LRRC7: variants seen among roughly 807,000 people sequenced by gnomAD.
LRRC7 encodes leucine-rich repeat-containing protein 7.
LRRC7 carries 23 observed loss-of-function variants against 175.7 expected under a neutral mutation model. The ratio of observed to expected loss-of-function variants is 0.13; its 90% CI spans 0.09 to 0.19. The LOEUF is 0.19. Ranked by LOEUF, LRRC7 falls within the 10% of genes least tolerant of loss-of-function variation. The pLI is 1.00. For synonymous variants in LRRC7, 685 were observed against 680.9 expected (o/e 1.01, Z -0.09); for missense variants, 1,354 against 1,904.7 (o/e 0.71, Z 5.38).
chr1:69,886,108 A>C (rs1285334693), intron 7 of LRRC7, among the ~76,000 whole-genome samples: 1 of 151,494 alleles, frequency 6.6e-6, no homozygotes, highest in Non-Finnish European at 1.5e-5. Context: ...TTTGGGGTGG[A>C]GAGTTCTGTA....
chr1:69,983,228 T>C (rs1459253505), intron 9 of LRRC7, among the ~76,000 whole-genome samples: 1 of 152,204 alleles, frequency 6.6e-6, no homozygotes, highest in East Asian at 1.9e-4. Context: ...ACTCTGATTC[T>C]AGCTAGCAAA....
intron 1 of LRRC7, chr1:69,608,279 T>C (rs943980524): frequency 6.6e-6 from 1 of 152,138 alleles, no homozygotes; most frequent in Non-Finnish European, 1.5e-5. Context: ...AAAGGGCTTT[T>C]TTAGGCATCT....
At chr1:69,967,268 C>T (rs968962793) in intron 8 of LRRC7, among the ~76,000 whole-genome samples, 9 of 152,098 alleles carry the variant, frequency 5.9e-5, no homozygotes, top group Admixed American at 2.6e-4. Context: ...GACCCTCACC[C>T]ACATCCCCCA....
At chr1:69,695,005 G>A (rs906963470) in intron 2 of LRRC7, among the ~76,000 whole-genome samples, 7 of 152,156 alleles carry the variant, frequency 4.6e-5, no homozygotes, top group South Asian at 2.1e-4. Context: ...ATATACGTTC[G>A]GAACTGGATA....
At chr1:70,009,794 C>A (rs1161021574) in intron 11 of LRRC7, among the ~76,000 whole-genome samples, 1 of 152,232 alleles carries the variant, frequency 6.6e-6, no homozygotes, top group Non-Finnish European at 1.5e-5. Flanking sequence ...TCATTCTAAT[C>A]AGCTGAATCT....
At chr1:69,706,693 T>C (rs1664077384) in intron 2 of LRRC7, among the ~76,000 whole-genome samples, 3 of 152,140 alleles carry the variant, frequency 2.0e-5, no homozygotes, top group Admixed American at 1.3e-4. Flanking sequence ...ATAATTGAGT[T>C]TCTGAGGCAG....
chr1:69,602,849 T>A (rs1383254472), intron 1 of LRRC7, among the ~76,000 whole-genome samples: 1 of 152,212 alleles, frequency 6.6e-6, no homozygotes, highest in African/African-American at 2.4e-5. Flanking sequence ...TGTATCTTTT[T>A]ATGTTAAGAT....
At position 69,938,398 on chromosome 1, in the gene LRRC7, T is replaced by A. The variant is rs189667429; in HGVS notation, c.711+6828T>A. On this transcript the variant is annotated intron_variant, in intron 8 of 26. Coordinates refer to ENST00000651989, the MANE Select transcript of LRRC7 (RefSeq NM_001370785.2). ...GGCTACAGATTATAATAAGGGAGAA[T>A]TGTTAATCTCAATATTCAAATGGAA... Among the ~76,000 whole-genome samples, 53 of 152,166 alleles carry A rather than the reference T, an allele frequency of 3.5e-4. No homozygotes were observed. In the East Asian group the frequency reaches 9.9e-3, roughly 28 times the overall value.
intron 3 of LRRC7, 28 bp downstream of exon 3, chr1:69,760,421 A>C: frequency 6.5e-7 from 1 of 1,543,572 alleles, no homozygotes. Context: ...AAAATATACA[A>C]TGTAAATGAG....
intron 18 of LRRC7, among the ~76,000 whole-genome samples, chr1:70,034,091 T>A (rs909668423): frequency 6.6e-6 from 1 of 152,098 alleles, no homozygotes; most frequent in Non-Finnish European, 1.5e-5. Flanking sequence ...AAAATAGAAA[T>A]AGGATGAAAA....
In LRRC7 at chr1:69,758,719, C is replaced by T. The variant is rs139013533; in HGVS notation, c.101-1472C>T. ...GTTCCCTTCTTAGTGGCCATGTTTG[C>T]GCAGTGTTTAGCTCCCACTTATAAA... is the stretch of plus-strand genomic sequence containing the variant. On this transcript the variant is annotated intron_variant, in intron 2 of 26. Transcript: ENST00000651989. Among the ~76,000 whole-genome samples the T allele has an allele frequency of 1.9e-4, 29 of 151,966 alleles. No homozygotes were observed. In the East Asian group the frequency reaches 2.9e-3, roughly 15 times the overall value.
At chr1:70,071,079 G>GT (rs147589621) in intron 23 of LRRC7, among the ~76,000 whole-genome samples, 1,540 of 152,086 alleles carry the variant, frequency 0.01, 14 homozygotes, top group Non-Finnish European at 0.016. Context: ...TGGGGCTACA[G>GT]TTTTTTTTAT....
At chr1:70,056,606 G>A (rs1196513963) in intron 23 of LRRC7, among the ~76,000 whole-genome samples, 1 of 152,148 alleles carries the variant, frequency 6.6e-6, no homozygotes, top group Non-Finnish European at 1.5e-5. Context: ...TCCAGCAAGA[G>A]AGAGAAGTAA....
intron 2 of LRRC7, among the ~76,000 whole-genome samples, chr1:69,714,445 T>C (rs1665115791): frequency 6.6e-6 from 1 of 150,960 alleles, no homozygotes; most frequent in Non-Finnish European, 1.5e-5. Context: ...TTAGAATCTA[T>C]TGAAAAGTGT....
intron 2 of LRRC7, among the ~76,000 whole-genome samples, chr1:69,738,220 G>C (rs960505714): frequency 6.6e-6 from 1 of 151,924 alleles, no homozygotes; most frequent in East Asian, 1.9e-4. Flanking sequence ...ACTCAGCTTT[G>C]TTTAGAGGGA....
chr1:69,673,531 G>T (rs1003429038), intron 1 of LRRC7, among the ~76,000 whole-genome samples: 2 of 152,272 alleles, frequency 1.3e-5, no homozygotes, highest in South Asian at 4.2e-4. Context: ...CAGCTCCTTT[G>T]CAGTGACCTG....
chr1:69,604,459 A>G (rs1185316337), intron 1 of LRRC7, among the ~76,000 whole-genome samples: 1 of 152,186 alleles, frequency 6.6e-6, no homozygotes, highest in African/African-American at 2.4e-5. Context: ...AGGCAGATGA[A>G]TTGTAGAAGT....
intron 1 of LRRC7, among the ~76,000 whole-genome samples, chr1:69,602,186 A>G (rs1305814776): frequency 1.3e-5 from 2 of 152,172 alleles, no homozygotes; most frequent in African/African-American, 2.4e-5. Context: ...CTGTCATTCA[A>G]TTATACATTT....
At chr1:69,773,117 C>T (rs1672425657) in intron 3 of LRRC7, among the ~76,000 whole-genome samples, 2 of 152,014 alleles carry the variant, frequency 1.3e-5, no homozygotes, top group Non-Finnish European at 2.9e-5. Context: ...GGTCAAAATA[C>T]ATTTTATTTT....
Sources: gnomAD v4.1 joint callset for allele counts (sites outside exome capture counted in the v4.1 genomes callset) on GRCh38, gnomAD v4.1.1 for gene constraint, MANE v1.5 for transcripts, NCBI Gene and HGNC (gene_info 2026-07-23, HGNC 2026-07-21) for gene names.